DNM3: variants seen among roughly 807,000 people sequenced by gnomAD.
DNM3 encodes dynamin 3.
In DNM3, 47 loss-of-function variants were observed where a neutral mutation model predicts 101.6. The ratio of observed to expected loss-of-function variants is 0.46; its 90% CI spans 0.37 to 0.59. The LOEUF is 0.59. Ranked by LOEUF, DNM3 falls within the 20% of genes least tolerant of loss-of-function variation. The pLI is 0.00. For synonymous variants in DNM3, 385 were observed against 387.9 expected (o/e 0.99, Z 0.09); for missense variants, 849 against 1,085.7 (o/e 0.78, Z 3.06).
At chr1:172,165,559 G>C (rs1210752168) in intron 14 of DNM3, among the ~76,000 whole-genome samples, 1 of 151,956 alleles carries the variant, frequency 6.6e-6, no homozygotes, top group African/African-American at 2.4e-5. Context: ...TCCTGCTCCA[G>C]ATCCCTAGCC....
chr1:171,892,844 A>C (rs1361252635), intron 1 of DNM3, among the ~76,000 whole-genome samples: 1 of 149,858 alleles, frequency 6.7e-6, no homozygotes, highest in Non-Finnish European at 1.5e-5. Flanking sequence ...TCCCTTGCAT[A>C]AGCAGTTCAT....
intron 17 of DNM3, among the ~76,000 whole-genome samples, chr1:172,357,985 G>T (rs2067535874): frequency 6.6e-6 from 1 of 151,972 alleles, no homozygotes; most frequent in Non-Finnish European, 1.5e-5. Context: ...GAAGCACAAG[G>T]TTCCTACTGT....
At chr1:171,957,110 A>G (rs571604192) in intron 2 of DNM3, among the ~76,000 whole-genome samples, 1 of 152,218 alleles carries the variant, frequency 6.6e-6, no homozygotes, top group Admixed American at 6.5e-5. Context: ...CTTGGCAATT[A>G]ACATTAGGCT....
intron 9 of DNM3, among the ~76,000 whole-genome samples, chr1:172,045,008 T>TGAGGCGG (rs3051637): frequency 6.6e-6 from 1 of 151,854 alleles, no homozygotes; most frequent in Non-Finnish European, 1.5e-5. Context: ...TGGAGGTTGT[T>TGAGGCGG]GAGGATAAAA....
At chr1:172,232,960 A>C (rs2061395515) in intron 14 of DNM3, among the ~76,000 whole-genome samples, 1 of 152,176 alleles carries the variant, frequency 6.6e-6, no homozygotes, top group Admixed American at 6.5e-5. Context: ...TTGACACCCT[A>C]ACATCACAAT....
Position 172,408,143 on chromosome 1 carries a change from G to A in DNM3, c.*302G>A. The A allele has an allele frequency of 8.7e-7, 1 of 1,152,004 alleles. No homozygotes were observed. Among genetic ancestry groups the A allele is most frequent in the Non-Finnish European group, 1.1e-6 (1 of 932,334 alleles). The allele number at this position is 1,152,004 out of a possible 1,614,324, so 71.4% of individuals were successfully genotyped here. On this transcript the variant is annotated 3_prime_UTR_variant, in exon 21 of 21. Transcript: ENST00000627582. ...CATGGCATATATTTGAAATTGCTTT[G>A]GACAAGTTTTCTAGGCTATCTACCA...
At chr1:172,286,989 G>C (rs752911395) in intron 15 of DNM3, among the ~76,000 whole-genome samples, 5 of 152,124 alleles carry the variant, frequency 3.3e-5, no homozygotes, top group Non-Finnish European at 4.4e-5. Context: ...GAACATCTTG[G>C]AATAGGAGAG....
intron 2 of DNM3, among the ~76,000 whole-genome samples, chr1:171,923,063 C>A (rs1359691657): frequency 6.6e-6 from 1 of 152,120 alleles, no homozygotes; most frequent in African/African-American, 2.4e-5. Flanking sequence ...TAGAAATATA[C>A]CTGAGTATAA....
chr1:171,880,470 T>A (rs542127080), intron 1 of DNM3, among the ~76,000 whole-genome samples: 1 of 152,348 alleles, frequency 6.6e-6, no homozygotes, highest in African/African-American at 2.4e-5. Context: ...TAATTGGGAT[T>A]ATTTTTTGGC....
At chr1:172,053,945 A>G (rs1440193480) in intron 10 of DNM3, among the ~76,000 whole-genome samples, 1 of 152,142 alleles carries the variant, frequency 6.6e-6, no homozygotes, top group Non-Finnish European at 1.5e-5. Flanking sequence ...GTGACTATAT[A>G]ATTTATTGTT....
chr1:172,227,897 G>A (rs952114973), intron 14 of DNM3, among the ~76,000 whole-genome samples: 4 of 150,506 alleles, frequency 2.7e-5, no homozygotes, highest in African/African-American at 7.5e-5. Flanking sequence ...TCACACACAT[G>A]TGTAATTTTA....
chr1:172,115,682 C>G (rs1336147009), intron 13 of DNM3, among the ~76,000 whole-genome samples: 1 of 152,162 alleles, frequency 6.6e-6, no homozygotes, highest in African/African-American at 2.4e-5. Flanking sequence ...GAATTCATTC[C>G]CCTCCTCCAT....
chr1:171,953,473 G>C (rs953662679), intron 2 of DNM3, among the ~76,000 whole-genome samples: 2 of 150,672 alleles, frequency 1.3e-5, no homozygotes, highest in African/African-American at 4.9e-5. Context: ...TGTTGCCCAG[G>C]CTGGAGTGCA....
intron 1 of DNM3, among the ~76,000 whole-genome samples, chr1:171,855,452 A>G (rs1197772291): frequency 2.0e-5 from 3 of 152,184 alleles, no homozygotes; most frequent in Admixed American, 1.3e-4. Context: ...AGGAATCACC[A>G]TACTCCTTTC....
intron 10 of DNM3, among the ~76,000 whole-genome samples, chr1:172,059,009 G>A (rs2050906466): frequency 1.3e-5 from 2 of 151,954 alleles, no homozygotes; most frequent in South Asian, 4.2e-4. Context: ...ATGATAAAGG[G>A]GATATCACCA....
At chr1:172,414,370 A>G (rs537554636), downstream of DNM3, among the ~76,000 whole-genome samples, 78 of 152,234 alleles carry the variant, frequency 5.1e-4, 1 homozygote, top group Non-Finnish European at 9.0e-4. Context: ...ATACACATAC[A>G]CCAATGGTTT....
chr1:172,016,721 G>A (rs2125729570), intron 4 of DNM3, among the ~76,000 whole-genome samples: 1 of 152,012 alleles, frequency 6.6e-6, no homozygotes, highest in Non-Finnish European at 1.5e-5. Flanking sequence ...AACCCATCTG[G>A]GCCTGGTGCC....
At chr1:172,048,805 C>CTA (rs1032731546) in intron 10 of DNM3, 55 bp downstream of exon 10, 2 of 1,572,604 alleles carry the variant, frequency 1.3e-6, no homozygotes, top group African/African-American at 2.7e-5. Context: ...TCAACATTCC[C>CTA]TATCTCATTG....
At chr1:171,894,142 G>A (rs7516203) in intron 1 of DNM3, among the ~76,000 whole-genome samples, 1 of 151,016 alleles carries the variant, frequency 6.6e-6, no homozygotes, top group African/African-American at 2.4e-5. Flanking sequence ...ATTTTTAATA[G>A]AGCCGGGGTT....
Sources: gnomAD v4.1 joint callset for allele counts (sites outside exome capture counted in the v4.1 genomes callset) on GRCh38, gnomAD v4.1.1 for gene constraint, MANE v1.5 for transcripts, NCBI Gene and HGNC (gene_info 2026-07-23, HGNC 2026-07-21) for gene names.